TRIM2: variants seen among roughly 807,000 people sequenced by gnomAD.
TRIM2 encodes tripartite motif-containing protein 2.
TRIM2 carries 20 observed loss-of-function variants against 75.2 expected under a neutral mutation model. That is an observed-to-expected ratio of 0.27 (90% CI 0.19 to 0.39). TRIM2 has a LOEUF of 0.39. Ranked by LOEUF, TRIM2 falls within the 10% of genes least tolerant of loss-of-function variation. The pLI, the probability that TRIM2 is intolerant of heterozygous loss-of-function variation, is 1.00. For synonymous variants in TRIM2, 373 were observed against 388.3 expected, an observed-to-expected ratio of 0.96 and a Z score of 0.46; for missense variants, 660 against 990.8, an observed-to-expected ratio of 0.67 and a Z score of 4.48.
intron 1 of TRIM2, among the ~76,000 whole-genome samples, chr4:153,189,514 T>A (rs1732963818): frequency 6.6e-6 from 1 of 152,206 alleles, no homozygotes; most frequent in African/African-American, 2.4e-5. Flanking sequence ...GTGATGTGGC[T>A]GTGAGGCACT....
At chr4:153,326,360 A>T (rs1466560675) in intron 10 of TRIM2, among the ~76,000 whole-genome samples, 1 of 152,164 alleles carries the variant, frequency 6.6e-6, no homozygotes, top group Non-Finnish European at 1.5e-5. Flanking sequence ...GTTTTAAAAA[A>T]CCATAGCCTT....
chr4:153,245,318 ATGT>A (rs1303779153), intron 1 of TRIM2, among the ~76,000 whole-genome samples: 8 of 152,346 alleles, frequency 5.3e-5, no homozygotes, highest in Non-Finnish European at 1.2e-4. Context: ...TTGGTTTATA[ATGT>A]TGTTAGTCAG....
At chr4:153,194,306 G>A (rs1031585981) in intron 1 of TRIM2, among the ~76,000 whole-genome samples, 1 of 152,148 alleles carries the variant, frequency 6.6e-6, no homozygotes, top group African/African-American at 2.4e-5. Flanking sequence ...ACCAATTGTG[G>A]TATGTGCATA....
At chr4:153,272,210 G>A (rs970925241) in intron 2 of TRIM2, among the ~76,000 whole-genome samples, 6 of 151,052 alleles carry the variant, frequency 4.0e-5, no homozygotes, top group Admixed American at 4.0e-4. Context: ...GTGCAGTGGC[G>A]CAAACTCAGC....
At chr4:153,250,182 C>T (rs1188245749) in intron 1 of TRIM2, among the ~76,000 whole-genome samples, 1 of 151,990 alleles carries the variant, frequency 6.6e-6, no homozygotes, top group Non-Finnish European at 1.5e-5. Context: ...TACAGAGGCC[C>T]CATCTCAGCT....
chr4:153,268,748 A>C (rs1434302285), intron 1 of TRIM2, among the ~76,000 whole-genome samples: 1 of 152,166 alleles, frequency 6.6e-6, no homozygotes, highest in Non-Finnish European at 1.5e-5. Flanking sequence ...TTGTGCTCTC[A>C]AACTCTTTGC....
At chr4:153,264,720 C>T (rs1188020833) in intron 1 of TRIM2, among the ~76,000 whole-genome samples, 1 of 152,176 alleles carries the variant, frequency 6.6e-6, no homozygotes, top group Non-Finnish European at 1.5e-5. Flanking sequence ...TGCTTATTAG[C>T]TCATTCTGTG....
chr4:153,176,978 A>T (rs1386642546), intron 1 of TRIM2, among the ~76,000 whole-genome samples: 1 of 152,244 alleles, frequency 6.6e-6, no homozygotes, highest in African/African-American at 2.4e-5. Flanking sequence ...AAAATAGCTT[A>T]ATCAAGAGTG....
chr4:153,316,944 G>A (rs569159592), intron 8 of TRIM2, among the ~76,000 whole-genome samples: 47 of 129,778 alleles, frequency 3.6e-4, no homozygotes, highest in Middle Eastern at 4.2e-3. Context: ...GCAGTGGCGC[G>A]ATCTCAGCTC....
intron 6 of TRIM2, chr4:153,308,295 T>A (rs1765480205): frequency 6.5e-7 from 1 of 1,545,624 alleles, no homozygotes; most frequent in African/African-American, 1.4e-5. Context: ...AATAATGTCC[T>A]TCTCCAGATC....
intron 6 of TRIM2, among the ~76,000 whole-genome samples, chr4:153,296,288 A>G (rs1162566051): frequency 1.3e-5 from 2 of 152,212 alleles, no homozygotes; most frequent in Non-Finnish European, 2.9e-5. Context: ...TCCTTAAGAC[A>G]CAAGTGCTGC....
chr4:153,298,466 A>G lies in TRIM2; in HGVS notation c.1510+2430A>G, dbSNP rs75164492. 5.2e-3 allele frequency among the ~76,000 whole-genome samples: 789 copies of G among 152,088 alleles called. 11 individuals carry two copies. Among genetic ancestry groups the G allele is most frequent in the African/African-American group, 0.018 (753 of 41,472 alleles). ...GTCATCTCTTTGTGGCTCAGCCCCT[A>G]TTGTCTCTTCCTCTTCTTATAAGAA... On this transcript the variant is annotated intron_variant, in intron 6 of 11. Transcript: ENST00000338700.
intron 1 of TRIM2, among the ~76,000 whole-genome samples, chr4:153,181,101 A>G (rs888783213): frequency 5.3e-5 from 8 of 151,864 alleles, no homozygotes; most frequent in African/African-American, 1.9e-4. Flanking sequence ...AAAAGAGAGA[A>G]CTCTCACAGG....
intron 6 of TRIM2, among the ~76,000 whole-genome samples, chr4:153,304,259 G>C (rs745784196): frequency 2.6e-5 from 4 of 151,956 alleles, no homozygotes; most frequent in Non-Finnish European, 5.9e-5. Flanking sequence ...GGCTACAGGC[G>C]TGCACCACCA....
At chr4:153,277,485 A>G (rs1320142462) in intron 3 of TRIM2, among the ~76,000 whole-genome samples, 1 of 152,170 alleles carries the variant, frequency 6.6e-6, no homozygotes, top group Non-Finnish European at 1.5e-5. Flanking sequence ...GAGGGCAAGG[A>G]CCTGTCATTA....
chr4:153,262,431 T>A (rs995178084), intron 1 of TRIM2, among the ~76,000 whole-genome samples: 3 of 152,236 alleles, frequency 2.0e-5, no homozygotes, highest in African/African-American at 7.2e-5. Context: ...GCCAGTTTAC[T>A]GGTTTGGGTG....
intron 8 of TRIM2, among the ~76,000 whole-genome samples, chr4:153,318,996 A>G (rs1377022622): frequency 2.0e-5 from 3 of 152,234 alleles, no homozygotes; most frequent in Non-Finnish European, 2.9e-5. Context: ...TAGCATGTAA[A>G]AACACTTTAG....
At chr4:153,254,839 A>G (rs1395760099) in intron 1 of TRIM2, among the ~76,000 whole-genome samples, 2 of 152,326 alleles carry the variant, frequency 1.3e-5, no homozygotes, top group African/African-American at 4.8e-5. Flanking sequence ...CAGCTATCCT[A>G]TGTAATGCTA....
At chr4:153,247,688 A>AC (rs1749610721) in intron 1 of TRIM2, among the ~76,000 whole-genome samples, 1 of 150,440 alleles carries the variant, frequency 6.6e-6, no homozygotes, top group African/African-American at 2.5e-5. Flanking sequence ...AAAAAAAAAA[A>AC]AAAAAAAAAA....
Sources: allele counts gnomAD v4.1 joint callset (sites outside exome capture counted in the v4.1 genomes callset), GRCh38; gene constraint gnomAD v4.1.1; transcripts MANE v1.5; gene names NCBI Gene and HGNC (gene_info 2026-07-23, HGNC 2026-07-21).